The following CARMIL3 variants were observed in gnomAD, a reference collection of about 807,000 sequenced individuals.
The protein encoded by CARMIL3 is capping protein regulator and myosin 1 linker 3, also known as capping protein, Arp2/3 and myosin-I linker protein 3.
Under a neutral mutation model 180.8 loss-of-function variants are expected in CARMIL3, and 88 were observed. The observed-to-expected ratio is 0.49, with a 90% confidence interval of 0.41 to 0.58. The LOEUF (loss-of-function observed/expected upper bound fraction) is 0.58, where lower values mean the gene tolerates loss of function less well. CARMIL3 is among the 20% of genes least tolerant of loss of function. The pLI is 0.00. For missense variants in CARMIL3, 1,548 were observed against 1,787.0 expected (o/e 0.87, Z 2.41); for synonymous variants, 696 against 714.5 (o/e 0.97, Z 0.41).
chr14:24,055,834 G>C (rs77930226), intron 10 of CARMIL3, 45 bp downstream of exon 10: 14 of 1,553,494 alleles, frequency 9.0e-6, no homozygotes, highest in Non-Finnish European at 1.2e-5. Flanking sequence ...CCTTGATGTA[G>C]TTTTAGGGTC....
At chr14:24,057,045 C>A in intron 13 of CARMIL3, 21 bp downstream of exon 13, 2 of 1,607,664 alleles carry the variant, frequency 1.2e-6, no homozygotes, top group South Asian at 2.2e-5. Flanking sequence ...AGAACAGCCT[C>A]AGCCCCCTGC....
In CARMIL3 at chr14:24,059,282, C is replaced by G. The variant is rs753543214; in HGVS notation, c.1639C>G (p.Leu547Val). The G allele has an allele frequency of 6.2e-7, 1 of 1,613,976 alleles. No individual in the cohort carries two copies. The highest frequency in any genetic ancestry group is 1.1e-5 in the South Asian group (1 of 91,086). Residue 547 changes from leucine to valine, a missense_variant, in exon 21 of 40, where the codon CTG (leucine) becomes GTG (valine). This residue lies in a region of CARMIL3 where 297 missense variants were observed against 415.9 expected (regional missense o/e 0.71). Transcript: ENST00000342740. The surrounding 1 kb of genome is among the most constrained non-coding windows in gnomAD (Gnocchi z 6.3). Reference sequence around the variant, plus strand: ...CTTGCCCACACAGTCCCTGCAGTCACTGTCGGTGGCAGACTCCCGGCTGAA... The same window carrying G: ...CTTGCCCACACAGTCCCTGCAGTCAGTGTCGGTGGCAGACTCCCGGCTGAA... The part of the protein sequence containing the change: ...IQEEDCSLQS[L>V]SVADSRLKLR...
rs767689234 is a variant in CARMIL3, at chr14:24,057,963, G to T, written c.1221G>T (p.Lys407Asn). 20 of 1,613,374 alleles carry T rather than the reference G, an allele frequency of 1.2e-5. No homozygotes were observed. Among genetic ancestry groups the T allele is most frequent in the Non-Finnish European group, 1.7e-5 (20 of 1,179,990 alleles). Residue 407 changes from lysine (K) to asparagine (N), a missense_variant, in exon 16 of 40, where the codon AAG (lysine) becomes AAT (asparagine). Lys to Asn is a moderately conservative substitution (Grantham distance 94, BLOSUM62 0). Around this residue, in one of 4 missense-constraint regions of CARMIL3, gnomAD observed 578 missense variants for 666.5 expected, o/e 0.87. Coordinates refer to ENST00000342740, the MANE Select transcript of CARMIL3 (RefSeq NM_138360.4). ...NLARNSCSHR[K>N]GREAPPAFKQ... ...GACCCCAGGGGTCTCTCCACAGGAA[G>T]GGTCGAGAGGCCCCGCCGGCCTTCA...
At position 24,064,993 on chromosome 14, in the gene CARMIL3, T is replaced by A; in HGVS notation, c.3116T>A (p.Leu1039His). The A allele has an allele frequency of 6.2e-7, 1 of 1,612,174 alleles. No homozygotes were observed. Among genetic ancestry groups the A allele is most frequent in the Non-Finnish European group, 8.5e-7 (1 of 1,179,588 alleles). The change falls in exon 33 of 40, where the codon CTC becomes CAC. Residue 1039 changes from leucine to histidine, a missense_variant. Coordinates refer to ENST00000342740, the MANE Select transcript of CARMIL3 (RefSeq NM_138360.4). The part of the protein sequence containing the change: ...PRTLRTVRPG[L>H]SEAPLPPLQK... The stretch of plus-strand genomic sequence containing the variant: ...ACTCTGAGGACCGTGCGGCCAGGAC[T>A]CTCGGAGGCACCGCTGCCTCCACTC...
chr14:24,057,242 T>C lies in CARMIL3; in HGVS notation c.1138T>C (p.Leu380=). The C allele has an allele frequency of 6.2e-7, 1 of 1,613,700 alleles. No individual in the cohort carries two copies. The highest frequency in any genetic ancestry group is 8.5e-7 in the Non-Finnish European group (1 of 1,179,796). The change falls in exon 14 of 40, where the codon TTG becomes CTG. Residue 380 remains leucine (L), a splice_region_variant and synonymous_variant. Coordinates refer to ENST00000342740, the MANE Select transcript of CARMIL3 (RefSeq NM_138360.4). ...GTCAGGAACTGACTGCGTCATCGAC[T>C]TGGTGAGGAGTTGGTGATGGGAAGC... ...DLSGTDCVID[L]LLGALLHGCC... is the part of the protein sequence containing the mutation.
At chr14:24,057,713 G>A in intron 14 of CARMIL3, 90 bp from the exon 15 acceptor site, 1 of 1,119,474 alleles carries the variant, frequency 8.9e-7, no homozygotes, top group Non-Finnish European at 1.3e-6. Context: ...GAAGAGCCAG[G>A]AACCTCGATG....
intron 31 of CARMIL3, 134 bp from the exon 32 acceptor site, chr14:24,064,103 AAAAAAAAAG>A: frequency 2.2e-5 from 13 of 604,098 alleles, no homozygotes; most frequent in East Asian, 6.5e-5. Flanking sequence ...CAAAAAAAAA[AAAAAAAAAG>A]AAAAAGAAAC....
At chr14:24,052,290 C>G in intron 1 of CARMIL3, 97 bp downstream of exon 1, 2 of 1,236,236 alleles carry the variant, frequency 1.6e-6, no homozygotes, top group Non-Finnish European at 2.2e-6. Flanking sequence ...GTGTCTCACA[C>G]CCCTCACCCC....
Position 24,058,943 on chromosome 14 carries a change from C to A in CARMIL3, c.1528C>A (p.Leu510Ile). 6.2e-7 allele frequency: 1 copy of A among 1,614,248 alleles called. No individual in the cohort carries two copies. The highest frequency in any genetic ancestry group is 8.5e-7 in the Non-Finnish European group (1 of 1,180,054). Residue 510 changes from leucine to isoleucine, a missense_variant, in exon 19 of 40, where the codon CTC (leucine) becomes ATC (isoleucine). By Grantham distance (5) the Leu-to-Ile change is conservative. This residue lies in a region of CARMIL3 where 578 missense variants were observed against 666.5 expected (regional missense o/e 0.87). Coordinates refer to ENST00000342740, the MANE Select transcript of CARMIL3 (RefSeq NM_138360.4). The surrounding 1 kb of genome is among the most constrained non-coding windows in gnomAD (Gnocchi z 6.4). ...GCCTGCACTTGGCAAGAACAAGTCC[C>A]TCAAGCACCTGTTTTTGGGCAAGAA... ...LVPALGKNKS[L>I]KHLFLGKNFN...
In CARMIL3 at chr14:24,069,401, C is replaced by T; in HGVS notation, c.4116C>T (p.Asp1372=). 1.2e-6 allele frequency: 2 copies of T among 1,614,162 alleles called. No homozygotes were observed. The highest frequency in any genetic ancestry group is 1.7e-6 in the Non-Finnish European group (2 of 1,180,026). The change falls in exon 40 of 40, where the codon GAC becomes GAT. Residue 1372 remains aspartate (D), a synonymous_variant. Transcript: ENST00000342740. The stretch of plus-strand genomic sequence containing the variant: ...CAGGAACCAGTGAGCCAGGAACAGA[C>T]TGACAACTGCCACAACACCCTCCTC... The part of the protein sequence containing the change: ...DPTGTSEPGT[D]
intron 30 of CARMIL3, 53 bp from the exon 31 acceptor site, chr14:24,063,272 C>T (rs1173922875): frequency 2.5e-5 from 40 of 1,590,508 alleles, no homozygotes; most frequent in Non-Finnish European, 3.4e-5. Flanking sequence ...GTCTCCCCAT[C>T]CTGCTTTCTC....
intron 12 of CARMIL3, 46 bp downstream of exon 12, chr14:24,056,754 G>C: frequency 1.9e-6 from 3 of 1,583,462 alleles, no homozygotes; most frequent in Non-Finnish European, 2.6e-6. Flanking sequence ...CCCTGGTGCT[G>C]CCTGGGGTGT....
At position 24,061,887 on chromosome 14, in the gene CARMIL3, GC is replaced by G; in HGVS notation, c.2480+218del. 1.7e-6 allele frequency: 1 copy of G among 574,988 alleles called. No individual in the cohort carries two copies. Among genetic ancestry groups the G allele is most frequent in the Non-Finnish European group, 3.0e-6 (1 of 328,270 alleles). 35.6% of individuals were successfully genotyped at this position (574,988 alleles called of 1,614,324 possible). A position where few individuals can be genotyped will look rare whatever the true frequency, so the allele number is the denominator to read the frequency against. On this transcript the variant is annotated intron_variant, in intron 27 of 39. Transcript: ENST00000342740. The surrounding 1 kb of genome is among the most constrained non-coding windows in gnomAD (Gnocchi z 4.1). The stretch of plus-strand genomic sequence containing the variant: ...GCTGGGGTTTAGGAGCCAAGTTTGT[GC>G]CCACACAGGTGTACACACACATACC...
chr14:24,061,746 C>G lies in CARMIL3; in HGVS notation c.2480+74C>G, dbSNP rs1189686957. The G allele has an allele frequency of 8.9e-6, 13 of 1,461,236 alleles. No individual in the cohort carries two copies. The highest frequency in any genetic ancestry group is 1.1e-5 in the Non-Finnish European group (12 of 1,071,246). 90.5% of individuals were successfully genotyped at this position (1,461,236 alleles called of 1,614,324 possible). On this transcript the variant is annotated intron_variant, in intron 27 of 39. Coordinates refer to ENST00000342740, the MANE Select transcript of CARMIL3 (RefSeq NM_138360.4). This position sits in a 1 kb window ranked among gnomAD's most constrained non-coding sequence, Gnocchi z 4.1. ...CACTTAGGGACTTAGGACTGGAGAGCTATCAGCAATGAATAATGAATGGCA... is the reference window on the plus strand; with the variant it reads ...CACTTAGGGACTTAGGACTGGAGAGGTATCAGCAATGAATAATGAATGGCA...
Position 24,065,056 on chromosome 14 carries a change from G to A in CARMIL3, c.3179G>A (p.Arg1060Gln), listed in dbSNP as rs775750375. The change falls in exon 33 of 40, where the codon CGG (arginine) becomes CAG (glutamine). Residue 1060 changes from arginine to glutamine, a missense_variant. Arg to Gln is a conservative substitution (Grantham distance 43, BLOSUM62 1). Coordinates refer to ENST00000342740, the MANE Select transcript of CARMIL3 (RefSeq NM_138360.4). ...KRRRGLFHFR[R>Q]PRSFKGDRGP... ...CGCCGGGGCCTGTTTCACTTTCGCC[G>A]GCCCCGGAGCTTCAAGGGGGACAGG... 8.0e-5 allele frequency: 128 copies of A among 1,604,652 alleles called. No homozygotes were observed. Among genetic ancestry groups the A allele is most frequent in the African/African-American group, 2.4e-4 (18 of 74,220 alleles).
intron 1 of CARMIL3, among the ~76,000 whole-genome samples, chr14:24,053,219 C>G (rs2138690091): frequency 6.6e-6 from 1 of 152,248 alleles, no homozygotes; most frequent in African/African-American, 2.4e-5. Flanking sequence ...TACCTGTCCC[C>G]ACCAATGCCA....
At chr14:24,055,214 T>C in intron 7 of CARMIL3, 23 bp from the exon 8 acceptor site, 1 of 1,613,858 alleles carries the variant, frequency 6.2e-7, no homozygotes, top group Non-Finnish European at 8.5e-7. Flanking sequence ...GGAGCAGGTG[T>C]GAGCCAGTTC....
rs201954898 is a variant in CARMIL3, at chr14:24,062,436, G to T, written c.2481-44G>T. 3.2e-6 allele frequency: 5 copies of T among 1,543,296 alleles called. No individual in the cohort carries two copies. In the African/African-American group the frequency reaches 6.8e-5, roughly 21 times the overall value. On this transcript the variant is annotated intron_variant, in intron 27 of 39. Coordinates refer to ENST00000342740, the MANE Select transcript of CARMIL3 (RefSeq NM_138360.4). ...GGAGTGCCTCAGGGGCCATGCGGGG[G>T]ACTGAGGTGCTAATGTTCTGAGTAG...
At chr14:24,055,186 G>C (rs1397143922) in intron 7 of CARMIL3, 50 bp downstream of exon 7, 1 of 1,613,960 alleles carries the variant, frequency 6.2e-7, no homozygotes, top group Non-Finnish European at 8.5e-7. Flanking sequence ...TGGAGGGAAG[G>C]GGCTAAGAAG....
Sources: allele counts gnomAD v4.1 joint callset (sites outside exome capture counted in the v4.1 genomes callset), GRCh38; gene constraint gnomAD v4.1.1; regional missense constraint gnomAD v4.1.1; non-coding constraint Gnocchi (gnomAD v3.1); transcripts MANE v1.5; gene names NCBI Gene and HGNC (gene_info 2026-07-23, HGNC 2026-07-21).